The following STXBP5L variants were observed in gnomAD, a reference collection of about 807,000 sequenced individuals.
The protein encoded by STXBP5L is syntaxin-binding protein 5-like.
A neutral mutation model predicts 144.5 loss-of-function variants in STXBP5L; 65 were observed. The ratio of observed to expected loss-of-function variants is 0.45; its 90% confidence interval spans 0.37 to 0.55. The LOEUF is 0.55. Among genes scored for constraint, STXBP5L ranks in the 20% least tolerant of loss-of-function variants. STXBP5L has a pLI of 0.00. For synonymous variants in STXBP5L, 505 were observed against 469.6 expected (o/e 1.08, Z -0.97); for missense variants, 1,298 against 1,405.5 (o/e 0.92, Z 1.22).
At chr3:120,995,651 G>C (rs1052286018) in intron 3 of STXBP5L, among the ~76,000 whole-genome samples, 1 of 151,340 alleles carries the variant, frequency 6.6e-6, no homozygotes, top group Non-Finnish European at 1.5e-5. Context: ...TTTACTCTTA[G>C]TGAGGCATGG....
chr3:121,075,602 G>A (rs1201878075), intron 5 of STXBP5L, among the ~76,000 whole-genome samples: 1 of 152,204 alleles, frequency 6.6e-6, no homozygotes, highest in African/African-American at 2.4e-5. Context: ...ATTACCTGCA[G>A]CCTCTGTGTC....
At chr3:121,253,904 C>T (rs1474374636) in intron 15 of STXBP5L, among the ~76,000 whole-genome samples, 5 of 150,712 alleles carry the variant, frequency 3.3e-5, no homozygotes, top group African/African-American at 9.7e-5. Flanking sequence ...CCGCCCACCT[C>T]GGCCTCCCAA....
chr3:121,148,380 A>G (rs1432593664), intron 7 of STXBP5L, among the ~76,000 whole-genome samples: 1 of 152,138 alleles, frequency 6.6e-6, no homozygotes, highest in African/African-American at 2.4e-5. Context: ...GGAGAAAAAT[A>G]TATGGCAATA....
At chr3:120,964,495 G>T (rs751683891) in intron 3 of STXBP5L, among the ~76,000 whole-genome samples, 1 of 152,134 alleles carries the variant, frequency 6.6e-6, no homozygotes, top group Non-Finnish European at 1.5e-5. Flanking sequence ...TGGTTTCAAA[G>T]AACATCTTTA....
intron 20 of STXBP5L, among the ~76,000 whole-genome samples, chr3:121,372,540 A>G (rs929856810): frequency 2.2e-4 from 34 of 152,170 alleles, no homozygotes; most frequent in African/African-American, 7.7e-4. Flanking sequence ...TGGCGATAGC[A>G]GGTTCCTTCT....
Position 121,407,346 on chromosome 3 carries a change from C to A in STXBP5L, c.2691C>A (p.Asn897Lys). ...ATGAAGTTTGGAGGGATCCAAACAA[C>A]ATAGATGAAAATGAAAAATCTTGGA... The part of the protein sequence containing the change: ...PPYEVWRDPN[N>K]IDENEKSWRR... The change falls in exon 23 of 27, where the codon AAC becomes AAA. Residue 897 changes from asparagine to lysine, a missense_variant. Transcript: ENST00000471454. 1 of 1,612,792 alleles carries A rather than the reference C, an allele frequency of 6.2e-7. No homozygotes were observed. Among genetic ancestry groups the A allele is most frequent in the Non-Finnish European group, 8.5e-7 (1 of 1,179,244 alleles).
chr3:120,971,427 A>T (rs929201725), intron 3 of STXBP5L, among the ~76,000 whole-genome samples: 5 of 151,570 alleles, frequency 3.3e-5, no homozygotes. Context: ...AATGTCTATT[A>T]TTCAACTCTG....
chr3:120,981,549 A>G (rs188837736), intron 3 of STXBP5L, among the ~76,000 whole-genome samples: 4 of 152,182 alleles, frequency 2.6e-5, no homozygotes, highest in African/African-American at 9.6e-5. Flanking sequence ...TTAAAAAATA[A>G]TTATCCTTAG....
chr3:121,385,005 C>G (rs1377756508), intron 22 of STXBP5L, among the ~76,000 whole-genome samples: 2 of 151,766 alleles, frequency 1.3e-5, no homozygotes, highest in Non-Finnish European at 2.9e-5. Flanking sequence ...ACCTAGCATG[C>G]TTTGTAACAT....
At chr3:121,065,493 T>C (rs893995409) in intron 5 of STXBP5L, among the ~76,000 whole-genome samples, 11 of 152,314 alleles carry the variant, frequency 7.2e-5, no homozygotes, top group African/African-American at 2.4e-4. Flanking sequence ...ACCATAAACT[T>C]AGTGACTTAA....
chr3:121,056,999 AT>A (rs1211740464), intron 5 of STXBP5L, among the ~76,000 whole-genome samples: 1 of 150,654 alleles, frequency 6.6e-6, no homozygotes, highest in Non-Finnish European at 1.5e-5. Context: ...ATTTATATAT[AT>A]TTTATTACAC....
At chr3:121,081,481 T>C (rs1004732421) in intron 5 of STXBP5L, among the ~76,000 whole-genome samples, 11 of 152,210 alleles carry the variant, frequency 7.2e-5, no homozygotes, top group African/African-American at 2.7e-4. Flanking sequence ...TACTTAGTTA[T>C]AGTCTTTGTC....
intron 3 of STXBP5L, among the ~76,000 whole-genome samples, chr3:121,025,267 G>A (rs1345129588): frequency 2.0e-5 from 3 of 152,074 alleles, no homozygotes; most frequent in Admixed American, 6.5e-5. Flanking sequence ...CTAGTGAAAA[G>A]GAGTTTTCAA....
chr3:121,219,847 G>A (rs556707504), intron 10 of STXBP5L, among the ~76,000 whole-genome samples: 3 of 152,102 alleles, frequency 2.0e-5, no homozygotes, highest in African/African-American at 4.8e-5. Context: ...TTCTGCATGC[G>A]ATGCCTAGAA....
intron 22 of STXBP5L, among the ~76,000 whole-genome samples, chr3:121,388,260 T>G (rs1195555810): frequency 6.6e-6 from 1 of 152,232 alleles, no homozygotes; most frequent in Admixed American, 6.5e-5. Flanking sequence ...GTCCTGAGAC[T>G]TTGCTGAAGT....
intron 19 of STXBP5L, among the ~76,000 whole-genome samples, chr3:121,307,144 GAATA>G (rs1357454337): frequency 6.6e-6 from 1 of 152,132 alleles, no homozygotes; most frequent in African/African-American, 2.4e-5. Flanking sequence ...CCGAGTCACT[GAATA>G]AATAAATAAG....
intron 7 of STXBP5L, among the ~76,000 whole-genome samples, chr3:121,146,729 T>C (rs1319798639): frequency 6.6e-6 from 1 of 152,078 alleles, no homozygotes; most frequent in Non-Finnish European, 1.5e-5. Context: ...AGGCAAAAAC[T>C]TTTTTAAGGA....
chr3:121,049,843 G>C (rs1316156903), intron 5 of STXBP5L: 1 of 152,826 alleles, frequency 6.5e-6, no homozygotes, highest in African/African-American at 2.4e-5. Context: ...CTGGGAGTCT[G>C]TGAGTACCTG....
intron 7 of STXBP5L, among the ~76,000 whole-genome samples, chr3:121,122,654 T>C (rs2044518778): frequency 6.6e-6 from 1 of 151,470 alleles, no homozygotes; most frequent in Non-Finnish European, 1.5e-5. Flanking sequence ...GATAATTGGT[T>C]CTTCACTTTG....
Sources: allele counts gnomAD v4.1 joint callset (sites outside exome capture counted in the v4.1 genomes callset), GRCh38; gene constraint gnomAD v4.1.1; transcripts MANE v1.5; gene names NCBI Gene and HGNC (gene_info 2026-07-23, HGNC 2026-07-21).